PARN: variants seen among roughly 807,000 people sequenced by gnomAD.
The protein encoded by PARN is poly(A)-specific ribonuclease.
PARN carries 71 observed loss-of-function variants against 102.8 expected under a neutral mutation model. That is an observed-to-expected ratio of 0.69 (90% confidence interval 0.57 to 0.84). The LOEUF is 0.84. Ranked by LOEUF, PARN falls within the 40% of genes least tolerant of loss-of-function variation. The pLI is 0.00. For synonymous variants in PARN, 261 were observed against 252.9 expected (o/e 1.03, Z -0.30); for missense variants, 782 against 760.9 (o/e 1.03, Z -0.33).
chr16:14,555,210 C>G (rs1967597753), intron 19 of PARN, among the ~76,000 whole-genome samples: 1 of 152,124 alleles, frequency 6.6e-6, no homozygotes, highest in South Asian at 2.1e-4. Context: ...AAAGCAACCA[C>G]CTCCCATAGA....
chr16:14,628,225 C>T lies in PARN; in HGVS notation c.124G>A (p.Ala42Thr). 1 of 1,606,100 alleles carries T rather than the reference C, an allele frequency of 6.2e-7. No individual in the cohort carries two copies. ...GGAGTGTCAAAACCATTTGTTAATG[C>T]AGAGACTGAAGGTCCATCACTGATT... Reference protein sequence around the residue: ...SGISDGPSVSALTNGFDTPEE... With the variant: ...SGISDGPSVSTLTNGFDTPEE... The change falls in exon 3 of 24, where the codon GCA becomes ACA. Residue 42 changes from alanine (A) to threonine (T), a missense_variant. Ala to Thr is a moderately conservative substitution (Grantham distance 58, BLOSUM62 0). Transcript: ENST00000437198.
chr16:14,474,382 T>G (rs1339840039), intron 22 of PARN, among the ~76,000 whole-genome samples: 2 of 152,210 alleles, frequency 1.3e-5, no homozygotes, highest in Non-Finnish European at 2.9e-5. Flanking sequence ...TGACACTGAT[T>G]TACTGTATGT....
At chr16:14,577,943 C>T (rs1312002151) in intron 18 of PARN, among the ~76,000 whole-genome samples, 4 of 151,946 alleles carry the variant, frequency 2.6e-5, no homozygotes, top group Admixed American at 1.3e-4. Flanking sequence ...GCTGGGATTA[C>T]AGACATAGGC....
At chr16:14,621,336 C>T (rs2151814547) in intron 5 of PARN, among the ~76,000 whole-genome samples, 1 of 152,286 alleles carries the variant, frequency 6.6e-6, no homozygotes, top group South Asian at 2.1e-4. Context: ...TTTCCTTTAT[C>T]CCACTGAATT....
At chr16:14,581,211 C>T (rs1032252972) in intron 17 of PARN, among the ~76,000 whole-genome samples, 2 of 152,094 alleles carry the variant, frequency 1.3e-5, no homozygotes, top group African/African-American at 2.4e-5. Flanking sequence ...TGCCACCATG[C>T]CCAGCTAATT....
Position 14,610,498 on chromosome 16 carries a change from T to G in PARN, c.554+146A>C, listed in dbSNP as rs1971461655. 4 of 477,522 alleles carry G rather than the reference T, an allele frequency of 8.4e-6. No individual in the cohort carries two copies. In the South Asian group the frequency reaches 2.2e-4, roughly 27 times the overall value. 29.6% of individuals were successfully genotyped at this position (477,522 alleles called of 1,614,324 possible). The stretch of plus-strand genomic sequence containing the variant: ...AAAAAAAAAAAAAAAAATTTTTTTT[T>G]TAATATGCCACAATTATATCCTGCC... On this transcript the variant is annotated intron_variant, in intron 7 of 23. Coordinates refer to ENST00000437198, the MANE Select transcript of PARN (RefSeq NM_002582.4).
rs1228746532 is a variant in PARN, at chr16:14,579,574, A to AAAT, written c.1262+1297_1262+1299dup. Among the ~76,000 whole-genome samples, 15 of 152,218 alleles carry AAAT rather than the reference A, an allele frequency of 9.9e-5. No individual in the cohort carries two copies. The East Asian group carries it at 2.3e-3, about 24-fold the overall frequency. The stretch of plus-strand genomic sequence containing the variant: ...AAAAGAGCAAGACCGTGACTCAAAA[A>AAAT]AATAATAATAATAATACAAATGAGT... On this transcript the variant is annotated intron_variant, in intron 18 of 23. Coordinates refer to ENST00000437198, the MANE Select transcript of PARN (RefSeq NM_002582.4).
At chr16:14,480,194 G>A (rs1220686971) in intron 22 of PARN, among the ~76,000 whole-genome samples, 1 of 152,104 alleles carries the variant, frequency 6.6e-6, no homozygotes, top group East Asian at 1.9e-4. Flanking sequence ...TTACGCGGGC[G>A]TGGTGGCGCA....
chr16:14,566,698 A>C (rs1968456516), intron 18 of PARN, among the ~76,000 whole-genome samples: 1 of 152,220 alleles, frequency 6.6e-6, no homozygotes, highest in Non-Finnish European at 1.5e-5. Flanking sequence ...TACCTCAACA[A>C]GTTATTTTAA....
chr16:14,582,076 A>G, intron 17 of PARN, 105 bp downstream of exon 17: 1 of 779,594 alleles, frequency 1.3e-6, no homozygotes, highest in South Asian at 1.4e-5. Flanking sequence ...TCTGTTGTTT[A>G]AGCCCCACAC....
At chr16:14,522,479 A>G (rs903469749) in intron 21 of PARN, among the ~76,000 whole-genome samples, 2 of 152,226 alleles carry the variant, frequency 1.3e-5, no homozygotes, top group African/African-American at 2.4e-5. Flanking sequence ...GTTTAAGGTC[A>G]GCATGGGCAG....
Position 14,586,326 on chromosome 16 carries a change from A to AACACAC in PARN, c.953_954insGTGTGT (p.Cys317_Val318dup). ...CCTCAAAGAAAGCTTACCTGGGGAA[A>AACACAC]ACACATGTTGTCATCTCTTTAAACT... On this transcript the variant is annotated inframe_insertion, in exon 14 of 24. Coordinates refer to ENST00000437198, the MANE Select transcript of PARN (RefSeq NM_002582.4). The AACACAC allele has an allele frequency of 6.4e-7, 1 of 1,550,868 alleles. No individual in the cohort carries two copies. Among genetic ancestry groups the AACACAC allele is most frequent in the Non-Finnish European group, 8.8e-7 (1 of 1,141,978 alleles).
intron 3 of PARN, among the ~76,000 whole-genome samples, chr16:14,627,623 T>C (rs1240251156): frequency 6.6e-6 from 1 of 152,208 alleles, no homozygotes; most frequent in African/African-American, 2.4e-5. Flanking sequence ...AAATTAACAC[T>C]GAAAATGCTA....
At chr16:14,605,517 A>C (rs1422914355) in intron 10 of PARN, among the ~76,000 whole-genome samples, 1 of 151,774 alleles carries the variant, frequency 6.6e-6, no homozygotes, top group African/African-American at 2.4e-5. Context: ...TAACATTAAC[A>C]AAACTTACAT....
intron 18 of PARN, among the ~76,000 whole-genome samples, chr16:14,559,412 T>G (rs1219623332): frequency 1.3e-5 from 2 of 151,774 alleles, no homozygotes; most frequent in African/African-American, 2.4e-5. Flanking sequence ...AAGATTTGTT[T>G]TTTTTTTTTA....
At chr16:14,542,316 TTCTTC>T (rs1488665325) in intron 21 of PARN, among the ~76,000 whole-genome samples, 1 of 151,544 alleles carries the variant, frequency 6.6e-6, no homozygotes, top group Non-Finnish European at 1.5e-5. Context: ...TTTTTTTTTT[TTCTTC>T]TTTTTTTAAC....
chr16:14,606,398 AAAAAAAAAAAG>A (rs943985199), intron 10 of PARN, 75 bp downstream of exon 10: 7 of 660,128 alleles, frequency 1.1e-5, no homozygotes, highest in African/African-American at 9.5e-5. Flanking sequence ...ACCCTGAGGG[AAAAAAAAAAAG>A]AAAAAAAAAA....
chr16:14,447,946 CTA>C, intron 22 of PARN, among the ~76,000 whole-genome samples: 1 of 103,342 alleles, frequency 9.7e-6, no homozygotes, highest in Non-Finnish European at 2.0e-5. Flanking sequence ...TTTTATCTAT[CTA>C]TCTATCTATC....
chr16:14,542,371 G>C (rs934880758), intron 21 of PARN, among the ~76,000 whole-genome samples: 5 of 151,208 alleles, frequency 3.3e-5, no homozygotes, highest in Non-Finnish European at 2.9e-5. Flanking sequence ...TCTCAGGCTG[G>C]AGTGGAGTGG....
Sources: gnomAD v4.1 joint callset for allele counts (sites outside exome capture counted in the v4.1 genomes callset) on GRCh38, gnomAD v4.1.1 for gene constraint, MANE v1.5 for transcripts, NCBI Gene and HGNC (gene_info 2026-07-23, HGNC 2026-07-21) for gene names.